The following DNAH8 variants were observed in gnomAD, a reference collection of about 807,000 sequenced individuals.
DNAH8 encodes the protein dynein axonemal heavy chain 8, also known as axonemal beta dynein heavy chain 8.
DNAH8 carries 382 observed loss-of-function variants against 562.1 expected under a neutral mutation model. That is an observed-to-expected ratio of 0.68 (90% CI 0.63 to 0.74). The LOEUF is 0.74. Among genes scored for constraint, DNAH8 ranks in the 30% least tolerant of loss-of-function variants. The pLI, the probability that DNAH8 is intolerant of heterozygous loss-of-function variation, is 0.00. For synonymous variants in DNAH8, 1,881 were observed against 1,919.4 expected, an observed-to-expected ratio of 0.98 and a Z score of 0.52; for missense variants, 5,203 against 5,620.4, an observed-to-expected ratio of 0.93 and a Z score of 2.37.
chr6:38,818,331 A>G (rs1289224570), intron 26 of DNAH8, among the ~76,000 whole-genome samples: 1 of 152,180 alleles, frequency 6.6e-6, no homozygotes, highest in Admixed American at 6.5e-5. Context: ...ACATAAAACT[A>G]TAAATTGTTA....
At chr6:38,783,173 G>A in intron 17 of DNAH8, 34 bp downstream of exon 17, 1 of 1,603,578 alleles carries the variant, frequency 6.2e-7, no homozygotes, top group Non-Finnish European at 8.5e-7. Flanking sequence ...CTACAAAGTA[G>A]GGATTAGGTG....
At chr6:38,937,897 T>A in intron 77 of DNAH8, 77 bp from the exon 78 acceptor site, 1 of 1,520,460 alleles carries the variant, frequency 6.6e-7, no homozygotes, top group Non-Finnish European at 8.9e-7. Flanking sequence ...CAGCGTTTTT[T>A]TTTTTTCAGA....
intron 75 of DNAH8, among the ~76,000 whole-genome samples, chr6:38,930,863 C>T (rs936035961): frequency 2.0e-5 from 3 of 152,116 alleles, no homozygotes; most frequent in African/African-American, 4.8e-5. Flanking sequence ...GAAACTTGTT[C>T]ATCTTATCAC....
intron 72 of DNAH8, 77 bp from the exon 73 acceptor site, chr6:38,923,914 A>T (rs1048558724): frequency 1.2e-5 from 18 of 1,488,122 alleles, no homozygotes; most frequent in Non-Finnish European, 1.7e-5. Context: ...CCAGTAACAG[A>T]GCAAAACTGT....
intron 82 of DNAH8, among the ~76,000 whole-genome samples, chr6:38,955,736 C>T (rs1404439257): frequency 3.3e-5 from 5 of 152,188 alleles, no homozygotes; most frequent in Non-Finnish European, 7.3e-5. Flanking sequence ...ATATCCCTCC[C>T]TCATATCCCA....
intron 79 of DNAH8, among the ~76,000 whole-genome samples, chr6:38,943,528 G>T (rs1352513159): frequency 6.6e-6 from 1 of 152,054 alleles, no homozygotes; most frequent in Non-Finnish European, 1.5e-5. Context: ...TGCAATATTT[G>T]CAAGGTGCCT....
At chr6:39,020,452 C>T (rs1213806382) in intron 91 of DNAH8, among the ~76,000 whole-genome samples, 1 of 152,122 alleles carries the variant, frequency 6.6e-6, no homozygotes, top group Non-Finnish European at 1.5e-5. Context: ...CCTGGGGCCC[C>T]AGAACAAGTA....
At chr6:38,852,945 A>T in intron 40 of DNAH8, 147 bp downstream of exon 40, 1 of 711,080 alleles carries the variant, frequency 1.4e-6, no homozygotes. Context: ...GTTTAGATAA[A>T]TCCTTTAACT....
chr6:38,775,987 G>A (rs755847769), intron 13 of DNAH8, 36 bp downstream of exon 13: 3 of 1,367,334 alleles, frequency 2.2e-6, no homozygotes, highest in Non-Finnish European at 3.1e-6. Flanking sequence ...TAGTAAAGCT[G>A]AAAAGTAGTC....
In DNAH8 at chr6:38,842,711, T is replaced by A. The variant is rs780080304; in HGVS notation, c.4653T>A (p.Asp1551Glu). 2 of 1,613,742 alleles carry A rather than the reference T, an allele frequency of 1.2e-6. No homozygotes were observed. The highest frequency in any genetic ancestry group is 1.1e-5 in the South Asian group (1 of 90,990). Residue 1551 changes from aspartate (D) to glutamate (E), a missense_variant, in exon 35 of 93, where the codon GAT (aspartate) becomes GAA (glutamate). Physicochemically the swap from Asp to Glu is conservative, Grantham distance 45 (BLOSUM62 2). Coordinates refer to ENST00000327475, the MANE Select transcript of DNAH8 (RefSeq NM_001206927.2). Reference protein sequence around the residue: ...KGLKDWQAFLDLKKRIDDFSE... With the variant: ...KGLKDWQAFLELKKRIDDFSE... ...TTAAAGATTGGCAAGCTTTTTTGGA[T>A]CTCAAAAAGAGAATTGATGATTTCA...
intron 71 of DNAH8, among the ~76,000 whole-genome samples, chr6:38,922,557 A>G (rs1024889195): frequency 6.6e-6 from 1 of 152,198 alleles, no homozygotes; most frequent in Non-Finnish European, 1.5e-5. Flanking sequence ...TACATAGTTT[A>G]ATTTTTAATA....
intron 26 of DNAH8, among the ~76,000 whole-genome samples, chr6:38,820,754 A>G (rs1166888676): frequency 2.0e-5 from 3 of 152,310 alleles, no homozygotes; most frequent in Non-Finnish European, 2.9e-5. Context: ...GAATAAAGGG[A>G]AAAAACTCAT....
At chr6:38,773,874 G>T (rs1767813894) in intron 12 of DNAH8, among the ~76,000 whole-genome samples, 1 of 152,172 alleles carries the variant, frequency 6.6e-6, no homozygotes, top group Admixed American at 6.5e-5. Context: ...GAGCCTATTA[G>T]GGAAGGCCGA....
At chr6:38,935,031 G>T (rs1438404075) in intron 76 of DNAH8, among the ~76,000 whole-genome samples, 1 of 152,118 alleles carries the variant, frequency 6.6e-6, no homozygotes, top group African/African-American at 2.4e-5. Flanking sequence ...AAAAACTCCT[G>T]TAAACATTCA....
chr6:38,769,770 A>G (rs1171668595), intron 11 of DNAH8, among the ~76,000 whole-genome samples: 2 of 152,358 alleles, frequency 1.3e-5, no homozygotes, highest in East Asian at 3.9e-4. Context: ...GAGGCAGAAG[A>G]GTCAGAATCT....
chr6:38,795,414 C>T (rs1031821507), intron 21 of DNAH8, among the ~76,000 whole-genome samples: 1 of 152,060 alleles, frequency 6.6e-6, no homozygotes, highest in Non-Finnish European at 1.5e-5. Flanking sequence ...CCCGTCTCTA[C>T]TAAAAATACA....
At position 38,938,807 on chromosome 6, in the gene DNAH8, G is replaced by T. The variant is rs1266746705; in HGVS notation, c.11826G>T (p.Lys3942Asn). ...TTAAAATGTGTTTCAGATCTGAAAA[G>T]TCACCACTACCTCAAAAGAGAATTA... is the stretch of plus-strand genomic sequence containing the variant. Reference protein sequence around the residue: ...LFDQSMARSEKSPLPQKRITN... With the variant: ...LFDQSMARSENSPLPQKRITN... Residue 3942 changes from lysine to asparagine, a missense_variant, in exon 79 of 93, where the codon AAG (lysine) becomes AAT (asparagine). Transcript: ENST00000327475. 1 of 1,598,894 alleles carries T rather than the reference G, an allele frequency of 6.3e-7. No homozygotes were observed.
At chr6:38,846,503 G>A (rs1035273612) in intron 36 of DNAH8, among the ~76,000 whole-genome samples, 1 of 152,158 alleles carries the variant, frequency 6.6e-6, no homozygotes, top group Non-Finnish European at 1.5e-5. Flanking sequence ...TGGGATCACT[G>A]GTTAGTGAGT....
rs767192586 is a variant in DNAH8, at chr6:38,911,547, G to C, written c.9820G>C (p.Val3274Leu). The change falls in exon 66 of 93, where the codon GTG (valine) becomes CTG (leucine). Residue 3274 changes from valine to leucine, a missense_variant. By Grantham distance (32) the Val-to-Leu change is conservative. Transcript: ENST00000327475. ...TTATAAAAACATTTATGCTGAAAAG[G>C]TGAAGTTCATTAATGAACAGGCTGA... ...NGYKNIYAEK[V>L]KFINEQAERM... 1.7e-5 allele frequency: 28 copies of C among 1,613,152 alleles called. No homozygotes were observed. The highest frequency in any genetic ancestry group is 2.3e-5 in the Non-Finnish European group (27 of 1,179,152).
Sources: allele counts gnomAD v4.1 joint callset (sites outside exome capture counted in the v4.1 genomes callset), GRCh38; gene constraint gnomAD v4.1.1; transcripts MANE v1.5; gene names NCBI Gene and HGNC (gene_info 2026-07-23, HGNC 2026-07-21).